FBXL7: variants seen among roughly 807,000 people sequenced by gnomAD.
FBXL7 encodes F-box/LRR-repeat protein 7.
FBXL7 carries 12 observed loss-of-function variants against 38.3 expected under a neutral mutation model. The observed-to-expected ratio is 0.31, with a 90% CI of 0.20 to 0.51. The LOEUF (loss-of-function observed/expected upper bound fraction) is 0.51. Among genes scored for constraint, FBXL7 ranks in the 20% least tolerant of loss-of-function variants. FBXL7 has a pLI of 0.98. For missense variants in FBXL7, 567 were observed against 676.4 expected (o/e 0.84, Z 1.79); for synonymous variants, 297 against 300.9 (o/e 0.99, Z 0.13).
At chr5:15,718,750 T>C (rs1431567531) in intron 2 of FBXL7, among the ~76,000 whole-genome samples, 1 of 152,242 alleles carries the variant, frequency 6.6e-6, no homozygotes, top group Non-Finnish European at 1.5e-5. Context: ...ACCTTTTTTC[T>C]TTTCTTTAAA....
chr5:15,917,205 A>G (rs1198433803), intron 2 of FBXL7, among the ~76,000 whole-genome samples: 1 of 152,168 alleles, frequency 6.6e-6, no homozygotes, highest in East Asian at 1.9e-4. Flanking sequence ...TTTTCCATAT[A>G]TGCTCACCAC....
intron 2 of FBXL7, among the ~76,000 whole-genome samples, chr5:15,832,908 GT>G (rs747794012): frequency 5.6e-4 from 85 of 152,028 alleles, no homozygotes; most frequent in Non-Finnish European, 9.9e-4. Context: ...CCGGTGGGAG[GT>G]AATTTAACCA....
chr5:15,616,199 G>A (rs910189543), intron 2 of FBXL7, 127 bp downstream of exon 2: 18 of 556,042 alleles, frequency 3.2e-5, no homozygotes, highest in Non-Finnish European at 5.3e-5. Context: ...TTAAAAATGA[G>A]GATGTTCAGG....
Position 15,500,637 on chromosome 5 carries a change from A to C in FBXL7, c.-40A>C, listed in dbSNP as rs1192418934. On this transcript the variant is annotated 5_prime_UTR_variant, in exon 1 of 4. It removes an upstream start codon present in the reference 5' UTR. Transcript: ENST00000504595. ...AGCGCGCAGGACGTGCGCCGCAGCT[A>C]TGGAGTGTCCCGGGAGACGGCGGGC... 6.2e-7 allele frequency: 1 copy of C among 1,612,974 alleles called. No homozygotes were observed. The highest frequency in any genetic ancestry group is 1.3e-5 in the African/African-American group (1 of 74,868).
At chr5:15,621,956 C>T (rs1229011200) in intron 2 of FBXL7, among the ~76,000 whole-genome samples, 1 of 152,028 alleles carries the variant, frequency 6.6e-6, no homozygotes, top group African/African-American at 2.4e-5. Context: ...GAATATGAGT[C>T]ATTGTGTTAC....
At chr5:15,780,978 T>A (rs1372819501) in intron 2 of FBXL7, among the ~76,000 whole-genome samples, 1 of 152,070 alleles carries the variant, frequency 6.6e-6, no homozygotes, top group African/African-American at 2.4e-5. Context: ...AATTGTAAAG[T>A]TTGTGATCTC....
At chr5:15,674,272 A>G (rs1742580327) in intron 2 of FBXL7, among the ~76,000 whole-genome samples, 1 of 152,246 alleles carries the variant, frequency 6.6e-6, no homozygotes, top group South Asian at 2.1e-4. Flanking sequence ...TTCACAGAAC[A>G]GTTTATTTAG....
intron 2 of FBXL7, among the ~76,000 whole-genome samples, chr5:15,699,271 C>A (rs1170457424): frequency 1.3e-5 from 2 of 152,166 alleles, no homozygotes; most frequent in Non-Finnish European, 2.9e-5. Context: ...TCTCACAGTT[C>A]TGGAGGCTAG....
intron 1 of FBXL7, among the ~76,000 whole-genome samples, chr5:15,611,221 C>T (rs552868118): frequency 6.6e-6 from 1 of 152,038 alleles, no homozygotes; most frequent in African/African-American, 2.4e-5. Context: ...ACACACCTTC[C>T]CATATAAGGC....
chr5:15,668,213 T>C (rs577862626), intron 2 of FBXL7, among the ~76,000 whole-genome samples: 2 of 152,128 alleles, frequency 1.3e-5, no homozygotes, highest in Non-Finnish European at 2.9e-5. Flanking sequence ...GACAGCCACA[T>C]CCCTGACTAC....
chr5:15,906,810 T>C (rs1294219008), intron 2 of FBXL7, among the ~76,000 whole-genome samples: 1 of 35,028 alleles, frequency 2.9e-5, no homozygotes. Context: ...AATGATGGTT[T>C]CCAATTTCAT....
intron 3 of FBXL7, among the ~76,000 whole-genome samples, chr5:15,931,248 T>G (rs1229386233): frequency 6.6e-6 from 1 of 152,208 alleles, no homozygotes; most frequent in Non-Finnish European, 1.5e-5. Flanking sequence ...AACATATTTG[T>G]GAAAGCTGTA....
chr5:15,871,325 A>G (rs899817571), intron 2 of FBXL7, among the ~76,000 whole-genome samples: 1 of 152,244 alleles, frequency 6.6e-6, no homozygotes, highest in Admixed American at 6.5e-5. Flanking sequence ...AAAGGTAGAT[A>G]AATCCACGAA....
intron 1 of FBXL7, among the ~76,000 whole-genome samples, chr5:15,610,962 T>C (rs566297822): frequency 6.6e-6 from 1 of 152,156 alleles, no homozygotes; most frequent in Non-Finnish European, 1.5e-5. Context: ...CCAATCCAGA[T>C]ACAAACCCAG....
intron 1 of FBXL7, among the ~76,000 whole-genome samples, chr5:15,518,437 G>T (rs919684252): frequency 6.6e-6 from 1 of 152,190 alleles, no homozygotes; most frequent in African/African-American, 2.4e-5. Context: ...GAGCCCTCTC[G>T]ATACCCTAGC....
intron 2 of FBXL7, among the ~76,000 whole-genome samples, chr5:15,903,044 G>A (rs1741268497): frequency 6.6e-6 from 1 of 152,236 alleles, no homozygotes; most frequent in Non-Finnish European, 1.5e-5. Context: ...ACCACTGGGA[G>A]CCACTTGCAG....
At chr5:15,788,737 G>A (rs1425589065) in intron 2 of FBXL7, among the ~76,000 whole-genome samples, 1 of 151,690 alleles carries the variant, frequency 6.6e-6, no homozygotes, top group Non-Finnish European at 1.5e-5. Context: ...CACCAGACTG[G>A]CAACAGATCT....
At chr5:15,752,023 T>C (rs1313166013) in intron 2 of FBXL7, among the ~76,000 whole-genome samples, 2 of 152,212 alleles carry the variant, frequency 1.3e-5, no homozygotes, top group East Asian at 3.9e-4. Context: ...ATGGCTCCTT[T>C]TGCAAAAGTT....
intron 2 of FBXL7, among the ~76,000 whole-genome samples, chr5:15,832,533 A>G (rs1738484444): frequency 6.6e-6 from 1 of 152,196 alleles, no homozygotes; most frequent in Non-Finnish European, 1.5e-5. Flanking sequence ...AACCTTCTTA[A>G]TACAAGGCAT....
Sources: allele counts gnomAD v4.1 joint callset (sites outside exome capture counted in the v4.1 genomes callset), GRCh38; gene constraint gnomAD v4.1.1; transcripts MANE v1.5; gene names NCBI Gene and HGNC (gene_info 2026-07-23, HGNC 2026-07-21).